ADAM22: variants seen among roughly 807,000 people sequenced by gnomAD.
ADAM22 encodes disintegrin and metalloproteinase domain-containing protein 22.
Under a neutral mutation model 144.6 loss-of-function variants are expected in ADAM22, and 65 were observed. The ratio of observed to expected loss-of-function variants is 0.45; its 90% confidence interval spans 0.37 to 0.55. The LOEUF (loss-of-function observed/expected upper bound fraction) is 0.55, where lower values mean the gene tolerates loss of function less well. Among genes scored for constraint, ADAM22 ranks in the 20% least tolerant of loss-of-function variants. The pLI is 0.00. For missense variants in ADAM22, 974 were observed against 1,184.9 expected, an observed-to-expected ratio of 0.82 and a Z score of 2.61; for synonymous variants, 391 against 412.6, an observed-to-expected ratio of 0.95 and a Z score of 0.63.
At chr7:88,051,488 G>T (rs938396484) in intron 3 of ADAM22, among the ~76,000 whole-genome samples, 1 of 151,994 alleles carries the variant, frequency 6.6e-6, no homozygotes, top group African/African-American at 2.4e-5. Flanking sequence ...ACTCATAGGT[G>T]GGAATTGAAT....
chr7:88,054,956 A>G (rs1807794178), intron 3 of ADAM22, among the ~76,000 whole-genome samples: 1 of 152,126 alleles, frequency 6.6e-6, no homozygotes, highest in African/African-American at 2.4e-5. Context: ...CTTTAAGAAA[A>G]AAAACAAACT....
intron 7 of ADAM22, among the ~76,000 whole-genome samples, chr7:88,124,318 A>T (rs1211669739): frequency 1.3e-5 from 2 of 151,730 alleles, no homozygotes; most frequent in Non-Finnish European, 2.9e-5. Context: ...AACATTTAGG[A>T]GCATTGTGTC....
intron 21 of ADAM22, 142 bp downstream of exon 21, chr7:88,153,468 C>T (rs2129527001): frequency 1.6e-6 from 1 of 644,012 alleles, no homozygotes. Flanking sequence ...AGTGTTCCAG[C>T]ATCACCTGTG....
Position 88,193,259 on chromosome 7 carries a change from A to G in ADAM22, c.2874+20A>G, listed in dbSNP as rs770541008. 2 of 1,612,030 alleles carry G rather than the reference A, an allele frequency of 1.2e-6. No individual in the cohort carries two copies. The highest frequency in any genetic ancestry group is 8.5e-7 in the Non-Finnish European group (1 of 1,178,988). On this transcript the variant is annotated intron_variant, in intron 31 of 31. Transcript: ENST00000413139. ...GCCAGGGTATGTGGAAACCTCTTCC[A>G]TGTGCGTACATGCTCAGTCATTATC...
At chr7:88,035,155 G>A (rs112966007) in intron 3 of ADAM22, among the ~76,000 whole-genome samples, 33 of 152,166 alleles carry the variant, frequency 2.2e-4, no homozygotes, top group African/African-American at 7.7e-4. Context: ...TGTTTGCCTC[G>A]TTCTCCTAAT....
intron 14 of ADAM22, among the ~76,000 whole-genome samples, chr7:88,137,982 C>T (rs547032266): frequency 3.9e-5 from 6 of 152,182 alleles, no homozygotes; most frequent in African/African-American, 1.4e-4. Context: ...GGTGAAACTA[C>T]ATCTCTACAA....
intron 2 of ADAM22, among the ~76,000 whole-genome samples, chr7:87,945,127 C>T (rs1843381623): frequency 2.0e-5 from 3 of 152,024 alleles, no homozygotes; most frequent in Admixed American, 1.3e-4. Context: ...GAGATGAGAC[C>T]ATTAAATATT....
At chr7:88,114,484 G>T in intron 5 of ADAM22, 100 bp from the exon 6 acceptor site, 1 of 1,065,826 alleles carries the variant, frequency 9.4e-7, no homozygotes, top group East Asian at 2.4e-5. Context: ...AATGGGCATT[G>T]AGAAGCAAAT....
intron 3 of ADAM22, among the ~76,000 whole-genome samples, chr7:88,041,508 C>A (rs997503665): frequency 2.9e-4 from 44 of 151,812 alleles, no homozygotes; most frequent in Admixed American, 3.9e-4. Context: ...TATATCTATA[C>A]ATTCATTTTA....
Position 88,131,422 on chromosome 7 carries a change from G to T in ADAM22, c.979G>T (p.Val327Phe). 1 of 1,613,570 alleles carries T rather than the reference G, an allele frequency of 6.2e-7. No homozygotes were observed. Among genetic ancestry groups the T allele is most frequent in the East Asian group, 2.2e-5 (1 of 44,828 alleles). ...TTTTATCAAAGAGAAAAGTGATGCA[G>T]TTCACCTTTTTTCGTACGTAACTTC... ...RDFIKEKSDA[V>F]HLFSGSQFES... The change falls in exon 11 of 32, where the codon GTT becomes TTT. Residue 327 changes from valine to phenylalanine, a missense_variant. Around this residue, in one of 2 missense-constraint regions of ADAM22, gnomAD observed 734 missense variants for 950.6 expected, o/e 0.77. Transcript: ENST00000413139.
intron 3 of ADAM22, among the ~76,000 whole-genome samples, chr7:87,982,044 CAT>C (rs57982467): frequency 0.097 from 10,882 of 112,606 alleles, 559 homozygotes; most frequent in African/African-American, 0.16. Flanking sequence ...ATGTTTATTT[CAT>C]ATATATATAT....
intron 4 of ADAM22, among the ~76,000 whole-genome samples, chr7:88,105,739 G>A (rs1824201354): frequency 6.6e-6 from 1 of 152,122 alleles, no homozygotes; most frequent in African/African-American, 2.4e-5. Context: ...AACTCCCCAG[G>A]TAGACAACCA....
chr7:88,105,347 G>A (rs1309203282), intron 4 of ADAM22, among the ~76,000 whole-genome samples: 4 of 152,170 alleles, frequency 2.6e-5, no homozygotes, highest in Admixed American at 2.6e-4. Context: ...AACACTTATA[G>A]ACAGAGTTCT....
At chr7:88,073,930 G>C (rs1813492311) in intron 3 of ADAM22, among the ~76,000 whole-genome samples, 1 of 152,190 alleles carries the variant, frequency 6.6e-6, no homozygotes, top group South Asian at 2.1e-4. Context: ...TATGTTTATT[G>C]GACAGATAAC....
chr7:88,016,342 A>G (rs1796534784), intron 3 of ADAM22, among the ~76,000 whole-genome samples: 1 of 152,232 alleles, frequency 6.6e-6, no homozygotes, highest in African/African-American at 2.4e-5. Context: ...TAGTACAAAC[A>G]AGGCAAAGTA....
rs1585287321 is a variant in ADAM22 at position 88,053,583 on chromosome 7, GGAAGGAAGGAAAGAAA to G, written c.324-22039_324-22024del. On this transcript the variant is annotated intron_variant, in intron 3 of 31. Coordinates refer to ENST00000413139, the MANE Select transcript of ADAM22 (RefSeq NM_001324418.2). ...AAGAAAGAAGGAAGGAGGAAAGGAAGGAAGGAAGGAAAGAAAGAAAGAAAGAAAGAAAGAAAGAAAG... is the reference window on the plus strand; with the variant it reads ...AAGAAAGAAGGAAGGAGGAAAGGAAGGAAAGAAAGAAAGAAAGAAAGAAAG... 2.6e-5 allele frequency among the ~76,000 whole-genome samples: 3 copies of G among 117,144 alleles called. No homozygotes were observed. The East Asian group carries it at 8.4e-4, about 33-fold the overall frequency. 76.9% of individuals were successfully genotyped at this position (117,144 alleles called of 152,430 possible).
At chr7:88,008,465 G>A (rs999403801) in intron 3 of ADAM22, among the ~76,000 whole-genome samples, 1 of 152,106 alleles carries the variant, frequency 6.6e-6, no homozygotes, top group Non-Finnish European at 1.5e-5. Context: ...GTTTATTGCA[G>A]CACTATTCAC....
intron 2 of ADAM22, among the ~76,000 whole-genome samples, chr7:87,963,830 G>A (rs986024992): frequency 6.6e-6 from 1 of 152,122 alleles, no homozygotes; most frequent in African/African-American, 2.4e-5. Flanking sequence ...TACTGTTGGG[G>A]TCAAGTTCAA....
rs1285954998 is a variant in ADAM22, at chr7:88,171,579, T to A, written c.2300+18T>A. ...GAACAGAGGTATGTAATACAAATAA[T>A]GTGAACATAAAACTGAAAGGTTTGA... is the stretch of plus-strand genomic sequence containing the variant. On this transcript the variant is annotated intron_variant, in intron 26 of 31. Transcript: ENST00000413139. The A allele has an allele frequency of 6.4e-7, 1 of 1,571,678 alleles. No homozygotes were observed. The highest frequency in any genetic ancestry group is 1.4e-5 in the African/African-American group (1 of 72,408).
Sources: allele counts gnomAD v4.1 joint callset (sites outside exome capture counted in the v4.1 genomes callset), GRCh38; gene constraint gnomAD v4.1.1; regional missense constraint gnomAD v4.1.1; transcripts MANE v1.5; gene names NCBI Gene and HGNC (gene_info 2026-07-23, HGNC 2026-07-21).